The following PLCB4 variants were observed in gnomAD, a reference collection of about 807,000 sequenced individuals.
The protein encoded by PLCB4 is phospholipase C beta 4, also known as 1-phosphatidylinositol 4,5-bisphosphate phosphodiesterase beta-4.
PLCB4 carries 77 observed loss-of-function variants against 178.8 expected under a neutral mutation model. The ratio of observed to expected loss-of-function variants is 0.43; its 90% CI spans 0.36 to 0.52. The LOEUF is 0.52. Among genes scored for constraint, PLCB4 ranks in the 20% least tolerant of loss-of-function variants. The probability of loss-of-function intolerance (pLI) is 0.00; values close to 1 mark genes in which losing one functional copy is unlikely to be tolerated. For synonymous variants in PLCB4, 496 were observed against 490.8 expected (o/e 1.01, Z -0.14); for missense variants, 1,024 against 1,453.4 (o/e 0.70, Z 4.80).
intron 32 of PLCB4, among the ~76,000 whole-genome samples, chr20:9,450,658 C>CTTTTTTTTTT: frequency 5.1e-3 from 511 of 100,112 alleles, no homozygotes; most frequent in Non-Finnish European, 6.1e-3. Flanking sequence ...CTTTTCTTTT[C>CTTTTTTTTTT]TTTTTTTTTT....
At chr20:9,346,469 A>G (rs1057490263) in intron 7 of PLCB4, among the ~76,000 whole-genome samples, 5 of 152,150 alleles carry the variant, frequency 3.3e-5, no homozygotes, top group African/African-American at 1.2e-4. Flanking sequence ...TGATCACCCA[A>G]ACCCCAGTAT....
intron 4 of PLCB4, among the ~76,000 whole-genome samples, chr20:9,323,200 C>T (rs1441830966): frequency 6.6e-6 from 1 of 152,198 alleles, no homozygotes; most frequent in Non-Finnish European, 1.5e-5. Flanking sequence ...TTGCTGTTCT[C>T]CCTCTGGACT....
intron 3 of PLCB4, among the ~76,000 whole-genome samples, chr20:9,296,786 C>G (rs1010717217): frequency 1.3e-4 from 20 of 151,906 alleles, no homozygotes; most frequent in Non-Finnish European, 2.5e-4. Context: ...CATGTTCTCA[C>G]TTATAGGTGG....
intron 27 of PLCB4, among the ~76,000 whole-genome samples, chr20:9,421,804 G>A (rs2040659149): frequency 6.6e-6 from 1 of 152,110 alleles, no homozygotes; most frequent in Admixed American, 6.5e-5. Flanking sequence ...TATTCCTTTA[G>A]CCAAGTAGTC....
At chr20:9,154,909 T>TTCCCTCCTTCCC (rs1300288512) in intron 2 of PLCB4, among the ~76,000 whole-genome samples, 6 of 67,142 alleles carry the variant, frequency 8.9e-5, no homozygotes, top group Non-Finnish European at 1.7e-4. Context: ...CCTTCCCTCC[T>TTCCCTCCTTCCC]TCCTTCCTTC....
chr20:9,081,683 T>C (rs2146517728), intron 1 of PLCB4, among the ~76,000 whole-genome samples: 1 of 150,770 alleles, frequency 6.6e-6, no homozygotes, highest in East Asian at 1.9e-4. Context: ...ACTAAGTTGA[T>C]GTCTCTTAAA....
chr20:9,226,957 C>T (rs2093873279), intron 3 of PLCB4, among the ~76,000 whole-genome samples: 1 of 152,104 alleles, frequency 6.6e-6, no homozygotes, highest in Non-Finnish European at 1.5e-5. Context: ...TCCTCACCAA[C>T]ACTAATTTTT....
At chr20:9,353,581 TGAATACCTTTGAAA>T (rs1257524468) in intron 7 of PLCB4, among the ~76,000 whole-genome samples, 1 of 152,242 alleles carries the variant, frequency 6.6e-6, no homozygotes, top group African/African-American at 2.4e-5. Context: ...GTGTCCTAGA[TGAATACCTTTGAAA>T]GATAAAATGT....
chr20:9,103,815 G>A (rs2091268770), intron 2 of PLCB4, among the ~76,000 whole-genome samples: 1 of 152,038 alleles, frequency 6.6e-6, no homozygotes, highest in African/African-American at 2.4e-5. Flanking sequence ...AAATAACTAA[G>A]AGGCTAAATT....
At chr20:9,386,308 G>A (rs2037660869) in intron 14 of PLCB4, among the ~76,000 whole-genome samples, 1 of 152,102 alleles carries the variant, frequency 6.6e-6, no homozygotes, top group Admixed American at 6.5e-5. Flanking sequence ...TTTATTTGAT[G>A]TAAAAGTTCA....
intron 3 of PLCB4, among the ~76,000 whole-genome samples, chr20:9,304,110 ATT>A (rs11481119): frequency 5.3e-4 from 75 of 142,684 alleles, no homozygotes; most frequent in African/African-American, 1.8e-3. Context: ...TTGTTTTACT[ATT>A]TTTTTTTTTT....
intron 12 of PLCB4, among the ~76,000 whole-genome samples, chr20:9,377,378 G>T (rs2036764714): frequency 6.6e-6 from 1 of 152,152 alleles, no homozygotes; most frequent in Non-Finnish European, 1.5e-5. Context: ...TGTCTCTGTG[G>T]AACTCTACTG....
At chr20:9,140,722 C>T (rs551192276) in intron 2 of PLCB4, among the ~76,000 whole-genome samples, 67 of 152,058 alleles carry the variant, frequency 4.4e-4, no homozygotes, top group African/African-American at 1.4e-3. Context: ...GCTCCCCCTT[C>T]GCCTTCCACC....
At chr20:9,135,256 T>G (rs2092359272) in intron 2 of PLCB4, among the ~76,000 whole-genome samples, 1 of 152,062 alleles carries the variant, frequency 6.6e-6, no homozygotes, top group Non-Finnish European at 1.5e-5. Context: ...TTTTTATTTG[T>G]CAAGTATACC....
At chr20:9,413,971 C>T (rs769482098) in intron 25 of PLCB4, among the ~76,000 whole-genome samples, 3 of 152,132 alleles carry the variant, frequency 2.0e-5, no homozygotes, top group Non-Finnish European at 2.9e-5. Context: ...AGACTGGTCT[C>T]GAACTCTTGA....
chr20:9,166,482 G>T (rs1417099009), intron 2 of PLCB4: 1 of 152,200 alleles, frequency 6.6e-6, no homozygotes, highest in Non-Finnish European at 1.5e-5. Context: ...TCACTTTGTA[G>T]CGGAGGGGTG....
At chr20:9,167,528 A>G (rs967915217) in intron 2 of PLCB4, among the ~76,000 whole-genome samples, 1 of 152,236 alleles carries the variant, frequency 6.6e-6, no homozygotes, top group Non-Finnish European at 1.5e-5. Flanking sequence ...GAATAAAAAT[A>G]TACTTTGAAC....
chr20:9,209,995 A>G (rs866178968), intron 2 of PLCB4, among the ~76,000 whole-genome samples: 1 of 151,572 alleles, frequency 6.6e-6, no homozygotes, highest in Middle Eastern at 3.2e-3. Flanking sequence ...AAGAATGAAA[A>G]AGAAAACCCA....
At chr20:9,241,210 G>T (rs537478848) in intron 3 of PLCB4, among the ~76,000 whole-genome samples, 1 of 152,250 alleles carries the variant, frequency 6.6e-6, no homozygotes, top group South Asian at 2.1e-4. Context: ...TACCAGTAAT[G>T]ATTTTATGGC....
Sources: gnomAD v4.1 joint callset for allele counts (sites outside exome capture counted in the v4.1 genomes callset) on GRCh38, gnomAD v4.1.1 for gene constraint, MANE v1.5 for transcripts, NCBI Gene and HGNC (gene_info 2026-07-23, HGNC 2026-07-21) for gene names.